WDR76: variants seen among roughly 807,000 people sequenced by gnomAD.
WDR76 encodes WD repeat domain 76.
WDR76 carries 52 observed loss-of-function variants against 70.2 expected under a neutral mutation model. That is an observed-to-expected ratio of 0.74 (90% CI 0.59 to 0.93). The LOEUF is 0.93. Among genes scored for constraint, WDR76 ranks in the 40% least tolerant of loss-of-function variants. The probability of loss-of-function intolerance (pLI) is 0.00; values close to 1 mark genes in which losing one functional copy is unlikely to be tolerated. For synonymous variants in WDR76, 292 were observed against 271.1 expected, an observed-to-expected ratio of 1.08 and a Z score of -0.76; for missense variants, 756 against 760.2, an observed-to-expected ratio of 0.99 and a Z score of 0.07.
intron 2 of WDR76, among the ~76,000 whole-genome samples, chr15:43,832,670 T>G (rs553327307): frequency 2.0e-5 from 3 of 150,726 alleles, no homozygotes; most frequent in African/African-American, 7.3e-5. Context: ...GGTCTCGAAC[T>G]CCTGATCTCA....
intron 8 of WDR76, 149 bp downstream of exon 8, chr15:43,844,203 C>A (rs780229335): frequency 1.2e-5 from 8 of 658,256 alleles, no homozygotes; most frequent in Non-Finnish European, 1.8e-5. Flanking sequence ...TTTTAGAAAT[C>A]TGGAAGAATT....
chr15:43,855,551 A>C (rs187370071), intron 9 of WDR76, among the ~76,000 whole-genome samples: 38 of 152,358 alleles, frequency 2.5e-4, no homozygotes, highest in African/African-American at 8.9e-4. Context: ...ACTAAAAATC[A>C]GTTCATGATT....
At chr15:43,851,622 C>T (rs1458749091) in intron 9 of WDR76, among the ~76,000 whole-genome samples, 4 of 151,752 alleles carry the variant, frequency 2.6e-5, no homozygotes, top group African/African-American at 9.7e-5. Context: ...ATAACTTACT[C>T]TTCTGTTTTT....
chr15:43,847,930 A>G (rs967737137), intron 8 of WDR76, among the ~76,000 whole-genome samples: 16 of 152,068 alleles, frequency 1.1e-4, no homozygotes, highest in African/African-American at 4.8e-5. Context: ...CATCATCCCT[A>G]TAAGATCCCT....
chr15:43,830,628 G>A (rs2087575962), intron 2 of WDR76, among the ~76,000 whole-genome samples: 1 of 150,476 alleles, frequency 6.6e-6, no homozygotes, highest in African/African-American at 2.4e-5. Flanking sequence ...TTAGTTTGAT[G>A]TAATGAAATA....
intron 4 of WDR76, among the ~76,000 whole-genome samples, chr15:43,838,757 T>C (rs1015961505): frequency 6.6e-6 from 1 of 152,186 alleles, no homozygotes; most frequent in African/African-American, 2.4e-5. Flanking sequence ...ATTTTTATTA[T>C]GAAAAGTGCT....
At chr15:43,836,265 G>GT in intron 4 of WDR76, 49 bp downstream of exon 4, 1 of 1,557,174 alleles carries the variant, frequency 6.4e-7, no homozygotes, top group Non-Finnish European at 8.7e-7. Context: ...TTGCTCAACT[G>GT]TTTTATAATT....
chr15:43,853,941 A>G (rs1228141151), intron 9 of WDR76, among the ~76,000 whole-genome samples: 1 of 151,960 alleles, frequency 6.6e-6, no homozygotes, highest in Non-Finnish European at 1.5e-5. Flanking sequence ...AAACCCCACA[A>G]ATGGCAAATA....
chr15:43,850,267 T>TTTTTA (rs71421806), intron 8 of WDR76, among the ~76,000 whole-genome samples: 5,080 of 148,382 alleles, frequency 0.034, 141 homozygotes, highest in East Asian at 0.11. Context: ...TGGTGTTATT[T>TTTTTA]TTTTATTTTA....
Position 43,866,532 on chromosome 15 carries a change from A to C in WDR76, c.*140A>C. ...TTGTTTTATTAATAAGACTATAAGAAGAGTGTACTTTTAGTAAGGGAGAAG... is the reference window on the plus strand; with the variant it reads ...TTGTTTTATTAATAAGACTATAAGACGAGTGTACTTTTAGTAAGGGAGAAG... On this transcript the variant is annotated 3_prime_UTR_variant, in exon 13 of 13. Transcript: ENST00000263795. 1 of 1,023,112 alleles carries C rather than the reference A, an allele frequency of 9.8e-7. No homozygotes were observed. 63.4% of individuals were successfully genotyped at this position (1,023,112 alleles called of 1,614,324 possible).
chr15:43,862,266 T>G (rs2088006995), intron 12 of WDR76, among the ~76,000 whole-genome samples: 1 of 150,596 alleles, frequency 6.6e-6, no homozygotes, highest in Admixed American at 6.6e-5. Flanking sequence ...TTGTTCCATT[T>G]TATCAGTTTC....
intron 2 of WDR76, among the ~76,000 whole-genome samples, chr15:43,829,044 A>T (rs1390377601): frequency 6.6e-6 from 1 of 151,962 alleles, no homozygotes; most frequent in Non-Finnish European, 1.5e-5. Flanking sequence ...CTGGGATTAC[A>T]GGCGCGTGCC....
In WDR76 at chr15:43,836,201, C is replaced by T. The variant is rs2087654372; in HGVS notation, c.593C>T (p.Pro198Leu). The T allele has an allele frequency of 6.2e-7, 1 of 1,609,292 alleles. No individual in the cohort carries two copies. Among genetic ancestry groups the T allele is most frequent in the Admixed American group, 1.7e-5 (1 of 59,382 alleles). Residue 198 changes from proline (P) to leucine (L), a missense_variant, in exon 4 of 13, where the codon CCT becomes CTT. Coordinates refer to ENST00000263795, the MANE Select transcript of WDR76 (RefSeq NM_024908.4). ...CGTGAAATGATAGAGAAGAGACAGC[C>T]TCCTAAATCCAAAAGGTAAAATATC... Reference protein sequence around the residue: ...RLREMIEKRQPPKSKRKKPKR... With the variant: ...RLREMIEKRQLPKSKRKKPKR...
intron 12 of WDR76, among the ~76,000 whole-genome samples, chr15:43,865,750 G>C (rs1198825639): frequency 6.6e-6 from 1 of 152,182 alleles, no homozygotes; most frequent in East Asian, 1.9e-4. Context: ...ACTATTCTAG[G>C]GGGTAAGAAT....
At chr15:43,851,271 G>A (rs1425940623) in intron 9 of WDR76, 26 bp downstream of exon 9, 1 of 1,605,566 alleles carries the variant, frequency 6.2e-7, no homozygotes, top group Non-Finnish European at 8.5e-7. Context: ...TTTACATGCT[G>A]ACTTCAGATG....
At chr15:43,836,357 A>C in intron 4 of WDR76, 141 bp downstream of exon 4, 1 of 535,946 alleles carries the variant, frequency 1.9e-6, no homozygotes, top group Non-Finnish European at 3.0e-6. Flanking sequence ...CTCTGAGGGA[A>C]TGCTACCCTT....
chr15:43,859,099 A>T (rs2087966048), intron 11 of WDR76, among the ~76,000 whole-genome samples: 1 of 152,170 alleles, frequency 6.6e-6, no homozygotes, highest in Admixed American at 6.6e-5. Context: ...AATCCCAGAA[A>T]CCAGGCTGTG....
chr15:43,862,276 C>CTTTTTTTTTTTTTTT, intron 12 of WDR76, among the ~76,000 whole-genome samples: 8 of 42,088 alleles, frequency 1.9e-4, no homozygotes, highest in East Asian at 6.9e-4. Context: ...TTATCAGTTT[C>CTTTTTTTTTTTTTTT]TTTTTTTTTT....
intron 11 of WDR76, among the ~76,000 whole-genome samples, chr15:43,860,707 C>T (rs992773561): frequency 6.6e-6 from 1 of 151,804 alleles, no homozygotes; most frequent in Non-Finnish European, 1.5e-5. Flanking sequence ...TAGGGTCTCA[C>T]TATATTGCCC....
Sources: gnomAD v4.1 joint callset for allele counts (sites outside exome capture counted in the v4.1 genomes callset) on GRCh38, gnomAD v4.1.1 for gene constraint, MANE v1.5 for transcripts, NCBI Gene and HGNC (gene_info 2026-07-23, HGNC 2026-07-21) for gene names.